Variants in ATP8B2 observed in about 807,000 individuals in gnomAD.
ATP8B2 encodes the protein phospholipid-transporting ATPase ID.
ATP8B2 carries 70 observed loss-of-function variants against 133.4 expected under a neutral mutation model. The ratio of observed to expected loss-of-function variants is 0.52; its 90% CI spans 0.43 to 0.64. ATP8B2 has a LOEUF of 0.64. Among genes scored for constraint, ATP8B2 ranks in the 30% least tolerant of loss-of-function variants. ATP8B2 has a pLI of 0.00. For missense variants in ATP8B2, 1,101 were observed against 1,535.7 expected, an observed-to-expected ratio of 0.72 and a Z score of 4.73; for synonymous variants, 517 against 589.5, an observed-to-expected ratio of 0.88 and a Z score of 1.78.
Position 154,331,825 on chromosome 1 carries a change from G to A in ATP8B2, c.439-129G>A. The stretch of plus-strand genomic sequence containing the variant: ...AGGGGCTTCTGTGTCATGCTGATAT[G>A]CCTGGAACTAGCCATTTATGCACCT... On this transcript the variant is annotated intron_variant, in intron 7 of 27. Coordinates refer to ENST00000368489, the MANE Select transcript of ATP8B2 (RefSeq NM_001370597.1). This position sits in a 1 kb window ranked among gnomAD's most constrained non-coding sequence, Gnocchi z 4.8. The A allele has an allele frequency of 1.5e-6, 2 of 1,301,106 alleles. No homozygotes were observed. Among genetic ancestry groups the A allele is most frequent in the African/African-American group, 1.5e-5 (1 of 68,468 alleles). 80.6% of individuals were successfully genotyped at this position (1,301,106 alleles called of 1,614,324 possible). A position where few individuals can be genotyped will look rare whatever the true frequency, so the allele number is the denominator to read the frequency against.
chr1:154,338,823 T>C (rs1209778563), intron 12 of ATP8B2: 3 of 151,888 alleles, frequency 2.0e-5, no homozygotes, highest in Admixed American at 6.6e-5. Flanking sequence ...AAGAAAAAAA[T>C]GCATTCTAAA....
In ATP8B2 at chr1:154,334,637, C is replaced by A. The variant is rs758220355; in HGVS notation, c.837+46C>A. 6.6e-7 allele frequency: 1 copy of A among 1,522,572 alleles called. No homozygotes were observed. The highest frequency in any genetic ancestry group is 1.1e-5 in the South Asian group (1 of 88,536). The allele number at this position is 1,522,572 out of a possible 1,614,324, so 94.3% of individuals were successfully genotyped here. A position where few individuals can be genotyped will look rare whatever the true frequency, so the allele number is the denominator to read the frequency against. ...CTCCCTGCCCCTGCCCTCTCTTCTCCTTGGGTGCTCCTTTTCCTTTCCTCT... is the reference window on the plus strand; with the variant it reads ...CTCCCTGCCCCTGCCCTCTCTTCTCATTGGGTGCTCCTTTTCCTTTCCTCT... On this transcript the variant is annotated intron_variant, in intron 11 of 27. Coordinates refer to ENST00000368489, the MANE Select transcript of ATP8B2 (RefSeq NM_001370597.1). This position sits in a 1 kb window ranked among gnomAD's most constrained non-coding sequence, Gnocchi z 4.6.
chr1:154,331,893 T>A lies in ATP8B2; in HGVS notation c.439-61T>A. Reference sequence around the variant, plus strand: ...GAATGCTTAGTGGAAGGAGCCACCATTACAGCCCACTGGGGGTGGAGGTTT... The same window carrying A: ...GAATGCTTAGTGGAAGGAGCCACCAATACAGCCCACTGGGGGTGGAGGTTT... On this transcript the variant is annotated intron_variant, in intron 7 of 27. Transcript: ENST00000368489. The surrounding 1 kb of genome is among the most constrained non-coding windows in gnomAD (Gnocchi z 4.8). 6.5e-7 allele frequency: 1 copy of A among 1,527,968 alleles called. No individual in the cohort carries two copies. Among genetic ancestry groups the A allele is most frequent in the Non-Finnish European group, 9.1e-7 (1 of 1,102,096 alleles). The allele number at this position is 1,527,968 out of a possible 1,614,324, so 94.7% of individuals were successfully genotyped here. A position where few individuals can be genotyped will look rare whatever the true frequency, so the allele number is the denominator to read the frequency against.
Position 154,325,717 on chromosome 1 carries a change from GGCGAAGCGGGGGCGCCCGGGA to G in ATP8B2, c.-38+19_-38+39del, listed in dbSNP as rs1440407899. 6.5e-6 allele frequency: 1 copy of G among 153,074 alleles called. No individual in the cohort carries two copies. Among genetic ancestry groups the G allele is most frequent in the Non-Finnish European group, 1.5e-5 (1 of 68,838 alleles). 9.5% of individuals were successfully genotyped at this position (153,074 alleles called of 1,614,324 possible). A position where few individuals can be genotyped will look rare whatever the true frequency, so the allele number is the denominator to read the frequency against. Reference sequence around the variant, plus strand: ...TGAGCGCTGAGGTGAGGCGAGGCGAGGCGAAGCGGGGGCGCCCGGGAGCGCGGGGCCAGGAGGGCAGAGGGA... The same window carrying G: ...TGAGCGCTGAGGTGAGGCGAGGCGAGGCGCGGGGCCAGGAGGGCAGAGGGA... On this transcript the variant is annotated intron_variant, in intron 1 of 27. Transcript: ENST00000368489.
intron 26 of ATP8B2, 91 bp from the exon 27 acceptor site, chr1:154,348,317 T>C (rs1463263817): frequency 7.1e-7 from 1 of 1,417,548 alleles, no homozygotes; most frequent in Non-Finnish European, 9.5e-7. Context: ...TGACTTAGGC[T>C]TTGAGAGTAG....
In ATP8B2 at chr1:154,349,921, A is replaced by AAC; in HGVS notation, c.*813_*814dup. ...GAGTAAAGTGCTGCCCTCTGCCCCCAACACACACACATATCAATTCCTGGA... is the reference window on the plus strand; with the variant it reads ...GAGTAAAGTGCTGCCCTCTGCCCCCAACACACACACACATATCAATTCCTGGA... On this transcript the variant is annotated 3_prime_UTR_variant, in exon 28 of 28. Coordinates refer to ENST00000368489, the MANE Select transcript of ATP8B2 (RefSeq NM_001370597.1). The AAC allele has an allele frequency of 6.6e-6, 1 of 152,630 alleles. No individual in the cohort carries two copies. Among genetic ancestry groups the AAC allele is most frequent in the Admixed American group, 6.5e-5 (1 of 15,296 alleles). The allele number at this position is 152,630 out of a possible 1,614,324, so 9.5% of individuals were successfully genotyped here.
chr1:154,327,817 T>C, intron 1 of ATP8B2: 2 of 1,613,940 alleles, frequency 1.2e-6, no homozygotes, highest in South Asian at 1.1e-5. Flanking sequence ...CCTTGAGAGC[T>C]GTTCCCCTTT....
chr1:154,343,782 G>A lies in ATP8B2; in HGVS notation c.1759-111G>A. On this transcript the variant is annotated intron_variant, in intron 17 of 27. Coordinates refer to ENST00000368489, the MANE Select transcript of ATP8B2 (RefSeq NM_001370597.1). The surrounding 1 kb of genome is among the most constrained non-coding windows in gnomAD (Gnocchi z 5.8). The stretch of plus-strand genomic sequence containing the variant: ...ATGTATGTGGTGACAGTCCCTAACT[G>A]TGGAATGTGGCACACACCCAGTCTA... The A allele has an allele frequency of 7.6e-7, 1 of 1,318,280 alleles. No homozygotes were observed. Among genetic ancestry groups the A allele is most frequent in the Non-Finnish European group, 1.0e-6 (1 of 961,202 alleles). The allele number at this position is 1,318,280 out of a possible 1,614,324, so 81.7% of individuals were successfully genotyped here.
chr1:154,343,892 G>T lies in ATP8B2; in HGVS notation c.1759-1G>T. 1 of 1,606,506 alleles carries T rather than the reference G, an allele frequency of 6.2e-7. No homozygotes were observed. The highest frequency in any genetic ancestry group is 8.5e-7 in the Non-Finnish European group (1 of 1,176,346). ...GGTGTGCCTTTCCACTCTGCCTCCA[G>T]GAGTACGCAGGGGAAGGGCTGAGGA... On this transcript the variant is annotated splice_acceptor_variant, in intron 17 of 27. Transcript: ENST00000368489. LOFTEE classifies it high-confidence loss of function. The surrounding 1 kb of genome is among the most constrained non-coding windows in gnomAD (Gnocchi z 5.8).
At position 154,342,461 on chromosome 1, in the gene ATP8B2, C is replaced by A. The variant is rs771757143; in HGVS notation, c.1244-19C>A. On this transcript the variant is annotated intron_variant, in intron 13 of 27. Transcript: ENST00000368489. ...TCTGGCTCTGACATTGCTTCTTTTT[C>A]TGCCCTGGCTGTATGTAGGTGATGT... 1 of 1,613,326 alleles carries A rather than the reference C, an allele frequency of 6.2e-7. No individual in the cohort carries two copies. Among genetic ancestry groups the A allele is most frequent in the East Asian group, 2.2e-5 (1 of 44,882 alleles).
chr1:154,327,683 C>A, intron 1 of ATP8B2: 1 of 991,756 alleles, frequency 1.0e-6, no homozygotes, highest in Non-Finnish European at 1.6e-6. Context: ...TGATGCCCTG[C>A]CAGGTGTTTC....
intron 12 of ATP8B2, 33 bp downstream of exon 12, chr1:154,337,577 G>A (rs1686231310): frequency 6.2e-7 from 1 of 1,614,164 alleles, no homozygotes; most frequent in Non-Finnish European, 8.5e-7. Flanking sequence ...GGTCTCTCCA[G>A]GGAGTCAGGC....
In ATP8B2 at chr1:154,334,615, C is replaced by A. The variant is rs370968107; in HGVS notation, c.837+24C>A. The stretch of plus-strand genomic sequence containing the variant: ...GGGTGAGGCGCCCCACATCTGGCTC[C>A]CTGCCCCTGCCCTCTCTTCTCCTTG... On this transcript the variant is annotated intron_variant, in intron 11 of 27. Coordinates refer to ENST00000368489, the MANE Select transcript of ATP8B2 (RefSeq NM_001370597.1). The surrounding 1 kb of genome is among the most constrained non-coding windows in gnomAD (Gnocchi z 4.6). The A allele has an allele frequency of 1.3e-6, 2 of 1,585,330 alleles. No individual in the cohort carries two copies. Among genetic ancestry groups the A allele is most frequent in the African/African-American group, 2.7e-5 (2 of 74,230 alleles).
Position 154,340,409 on chromosome 1 carries a change from C to A in ATP8B2, c.1035-445C>A. The A allele has an allele frequency of 5.7e-6, 1 of 175,158 alleles. No homozygotes were observed. Among genetic ancestry groups the A allele is most frequent in the South Asian group, 1.6e-4 (1 of 6,082 alleles). 10.9% of individuals were successfully genotyped at this position (175,158 alleles called of 1,614,324 possible). ...TCTCCATTTCCCCTCCCCGGTGCCA[C>A]CCCTCTTTGAGGTGGCGTCTGTGTT... On this transcript the variant is annotated intron_variant, in intron 12 of 27. Coordinates refer to ENST00000368489, the MANE Select transcript of ATP8B2 (RefSeq NM_001370597.1). The surrounding 1 kb of genome is among the most constrained non-coding windows in gnomAD (Gnocchi z 4.0).
At chr1:154,337,270 A>G in intron 11 of ATP8B2, 78 bp from the exon 12 acceptor site, 1 of 1,508,722 alleles carries the variant, frequency 6.6e-7, no homozygotes, top group African/African-American at 1.4e-5. Context: ...GGCTCAAGGG[A>G]TGAATACATC....
chr1:154,336,522 C>T (rs1206014931), intron 11 of ATP8B2, among the ~76,000 whole-genome samples: 1 of 144,438 alleles, frequency 6.9e-6, no homozygotes, highest in Non-Finnish European at 1.5e-5. Context: ...CTCACTCTGT[C>T]ACTAGGCTGG....
rs753763930 is a variant in ATP8B2 at position 154,346,592 on chromosome 1, C to T, written c.3025-28C>T. ...GGGGAAGGGGCTTTTAGGGCGTGCG[C>T]CTGCCTGACTATGCCTACTTTCTGC... On this transcript the variant is annotated intron_variant, in intron 25 of 27. Transcript: ENST00000368489. This position sits in a 1 kb window ranked among gnomAD's most constrained non-coding sequence, Gnocchi z 4.5. The T allele has an allele frequency of 5.0e-5, 80 of 1,613,954 alleles. No homozygotes were observed. The East Asian group carries it at 1.8e-3, about 36-fold the overall frequency.
chr1:154,326,763 G>A (rs1466247486), intron 1 of ATP8B2, among the ~76,000 whole-genome samples: 1 of 152,234 alleles, frequency 6.6e-6, no homozygotes, highest in East Asian at 1.9e-4. Flanking sequence ...TAGGCTGATA[G>A]TGTTTCTTGA....
In ATP8B2 at chr1:154,343,796, A is replaced by T; in HGVS notation, c.1759-97A>T. The T allele has an allele frequency of 7.1e-7, 1 of 1,399,894 alleles. No homozygotes were observed. Among genetic ancestry groups the T allele is most frequent in the Non-Finnish European group, 9.7e-7 (1 of 1,029,776 alleles). The allele number at this position is 1,399,894 out of a possible 1,614,324, so 86.7% of individuals were successfully genotyped here. A position where few individuals can be genotyped will look rare whatever the true frequency, so the allele number is the denominator to read the frequency against. On this transcript the variant is annotated intron_variant, in intron 17 of 27. Transcript: ENST00000368489. This position sits in a 1 kb window ranked among gnomAD's most constrained non-coding sequence, Gnocchi z 5.8. Reference sequence around the variant, plus strand: ...AGTCCCTAACTGTGGAATGTGGCACACACCCAGTCTACAGTGCAGGATTAT... The same window carrying T: ...AGTCCCTAACTGTGGAATGTGGCACTCACCCAGTCTACAGTGCAGGATTAT...
Sources: allele counts gnomAD v4.1 joint callset (sites outside exome capture counted in the v4.1 genomes callset), GRCh38; gene constraint gnomAD v4.1.1; non-coding constraint Gnocchi (gnomAD v3.1); transcripts MANE v1.5; gene names NCBI Gene and HGNC (gene_info 2026-07-23, HGNC 2026-07-21).